NRXN3: variants seen among roughly 807,000 people sequenced by gnomAD.
NRXN3 encodes neurexin III.
Under a neutral mutation model 137.6 loss-of-function variants are expected in NRXN3, and 32 were observed. The observed-to-expected ratio is 0.23, with a 90% CI of 0.18 to 0.31. NRXN3 has a LOEUF of 0.31. NRXN3 is among the 10% of genes least tolerant of loss of function. The pLI, the probability that NRXN3 is intolerant of heterozygous loss-of-function variation, is 1.00. For synonymous variants in NRXN3, 798 were observed against 784.5 expected, an observed-to-expected ratio of 1.02 and a Z score of -0.29; for missense variants, 1,574 against 2,062.5, an observed-to-expected ratio of 0.76 and a Z score of 4.59.
chr14:78,205,106 C>G (rs1371729218), intron 1 of NRXN3, among the ~76,000 whole-genome samples: 5 of 152,216 alleles, frequency 3.3e-5, no homozygotes, highest in Admixed American at 2.0e-4. Context: ...ACATGCCACC[C>G]AAGGTACCAG....
chr14:78,646,563 T>G (rs1242359780), intron 5 of NRXN3, among the ~76,000 whole-genome samples: 1 of 152,228 alleles, frequency 6.6e-6, no homozygotes, highest in Non-Finnish European at 1.5e-5. Context: ...TTCTGTTTGA[T>G]AAAAGTGTAA....
At chr14:79,397,395 GT>G (rs905447453) in intron 15 of NRXN3, among the ~76,000 whole-genome samples, 12 of 152,182 alleles carry the variant, frequency 7.9e-5, no homozygotes, top group African/African-American at 2.9e-4. Context: ...CTAAATACGT[GT>G]TTATTGAATG....
chr14:79,496,994 A>T (rs2153665495), intron 16 of NRXN3, among the ~76,000 whole-genome samples: 1 of 152,306 alleles, frequency 6.6e-6, no homozygotes, highest in South Asian at 2.1e-4. Flanking sequence ...AACCCCACAA[A>T]GTTGGGACTA....
At chr14:78,504,092 G>T (rs2095934623) in intron 4 of NRXN3, among the ~76,000 whole-genome samples, 2 of 152,126 alleles carry the variant, frequency 1.3e-5, no homozygotes, top group Admixed American at 1.3e-4. Context: ...GCTAAGAGGG[G>T]AATAGAGTTC....
chr14:79,467,740 C>A (rs2096448795), intron 16 of NRXN3, among the ~76,000 whole-genome samples: 1 of 150,786 alleles, frequency 6.6e-6, no homozygotes, highest in South Asian at 2.1e-4. Context: ...GTGCAAGCAG[C>A]AAAGCCAAGT....
At chr14:78,615,347 T>A (rs2152482760) in intron 4 of NRXN3, among the ~76,000 whole-genome samples, 1 of 150,440 alleles carries the variant, frequency 6.6e-6, no homozygotes, top group Admixed American at 6.7e-5. Context: ...ACGCCTATAA[T>A]CCCAGCACTT....
intron 16 of NRXN3, among the ~76,000 whole-genome samples, chr14:79,561,322 C>G (rs1240554687): frequency 6.6e-6 from 1 of 152,118 alleles, no homozygotes; most frequent in Non-Finnish European, 1.5e-5. Flanking sequence ...TCTGCCTTCT[C>G]TTGGAATAGA....
intron 8 of NRXN3, among the ~76,000 whole-genome samples, chr14:78,717,624 A>G (rs2152856435): frequency 6.6e-6 from 1 of 152,224 alleles, no homozygotes; most frequent in South Asian, 2.1e-4. Context: ...TCTTTATGGA[A>G]ACTGATTCCT....
chr14:78,325,148 A>G (rs1420752382), intron 4 of NRXN3, among the ~76,000 whole-genome samples: 1 of 152,050 alleles, frequency 6.6e-6, no homozygotes, highest in East Asian at 1.9e-4. Context: ...TATAAAAATT[A>G]GCATCAGGAC....
At chr14:79,330,879 A>C (rs770335613) in intron 15 of NRXN3, among the ~76,000 whole-genome samples, 22 of 152,212 alleles carry the variant, frequency 1.4e-4, no homozygotes, top group Admixed American at 4.6e-4. Flanking sequence ...TGTGTGAAAT[A>C]AATCATGTTT....
At chr14:79,052,401 T>C (rs1471346610) in intron 15 of NRXN3, among the ~76,000 whole-genome samples, 1 of 152,212 alleles carries the variant, frequency 6.6e-6, no homozygotes, top group Non-Finnish European at 1.5e-5. Context: ...TACCAGCTTC[T>C]CAGAGGACCT....
At chr14:79,483,044 T>C (rs2096623549) in intron 16 of NRXN3, among the ~76,000 whole-genome samples, 1 of 152,212 alleles carries the variant, frequency 6.6e-6, no homozygotes, top group South Asian at 2.1e-4. Flanking sequence ...ATGCAAACAT[T>C]GGACTGAAAC....
At chr14:78,671,028 C>A (rs1422524944) in intron 6 of NRXN3, among the ~76,000 whole-genome samples, 1 of 152,110 alleles carries the variant, frequency 6.6e-6, no homozygotes, top group South Asian at 2.1e-4. Context: ...TAAGAAACCA[C>A]ATCAAAAGGA....
chr14:78,486,984 A>G (rs1055920183), intron 4 of NRXN3, among the ~76,000 whole-genome samples: 2 of 152,188 alleles, frequency 1.3e-5, no homozygotes, highest in African/African-American at 4.8e-5. Context: ...AATGAGACCT[A>G]TAAGAATCAA....
intron 4 of NRXN3, among the ~76,000 whole-genome samples, chr14:78,470,231 G>T (rs987806131): frequency 1.3e-5 from 2 of 152,198 alleles, no homozygotes; most frequent in Non-Finnish European, 2.9e-5. Context: ...CTTCAGAGTG[G>T]CATGAGAATC....
chr14:79,702,889 G>GTCTTTTATCACTAAAGTGTAT (rs2098760410), intron 19 of NRXN3, among the ~76,000 whole-genome samples: 1 of 150,586 alleles, frequency 6.6e-6, no homozygotes, highest in South Asian at 2.1e-4. Flanking sequence ...TGAGAAACAA[G>GTCTTTTATCACTAAAGTGTAT]TCTTTTACCT....
At chr14:78,487,351 C>T (rs2095578024) in intron 4 of NRXN3, among the ~76,000 whole-genome samples, 2 of 152,056 alleles carry the variant, frequency 1.3e-5, no homozygotes, top group Admixed American at 1.3e-4. Flanking sequence ...CACTGGCTGC[C>T]CTTGGAATTA....
intron 15 of NRXN3, among the ~76,000 whole-genome samples, chr14:79,009,887 C>T (rs75700635): frequency 0.021 from 3,272 of 152,220 alleles, 97 homozygotes; most frequent in African/African-American, 0.06. Flanking sequence ...TGCAAGATCA[C>T]GAAATAATTC....
chr14:78,260,127 G>A (rs1447880274), intron 2 of NRXN3, among the ~76,000 whole-genome samples: 1 of 152,192 alleles, frequency 6.6e-6, no homozygotes, highest in African/African-American at 2.4e-5. Flanking sequence ...AAGCACTGGT[G>A]GTAAGACTGG....
Sources: gnomAD v4.1 joint callset for allele counts (sites outside exome capture counted in the v4.1 genomes callset) on GRCh38, gnomAD v4.1.1 for gene constraint, MANE v1.5 for transcripts, NCBI Gene and HGNC (gene_info 2026-07-23, HGNC 2026-07-21) for gene names.